Variants in AUTS2 observed in about 807,000 individuals in gnomAD.
AUTS2 encodes autism susceptibility gene 2 protein.
AUTS2 carries 17 observed loss-of-function variants against 112.4 expected under a neutral mutation model. The ratio of observed to expected loss-of-function variants is 0.15; its 90% CI spans 0.10 to 0.23. The LOEUF is 0.23. Among genes scored for constraint, AUTS2 ranks in the 10% least tolerant of loss-of-function variants. The pLI is 1.00. For synonymous variants in AUTS2, 751 were observed against 702.7 expected, an observed-to-expected ratio of 1.07 and a Z score of -1.09; for missense variants, 1,510 against 1,701.6, an observed-to-expected ratio of 0.89 and a Z score of 1.98.
chr7:70,769,640 G>A (rs1015076293), intron 10 of AUTS2, among the ~76,000 whole-genome samples: 1 of 152,142 alleles, frequency 6.6e-6, no homozygotes, highest in Non-Finnish European at 1.5e-5. Flanking sequence ...ATCTGAGACG[G>A]CTCCACTGCA....
intron 4 of AUTS2, among the ~76,000 whole-genome samples, chr7:70,138,826 CA>C (rs1162168859): frequency 1.3e-5 from 2 of 152,164 alleles, no homozygotes; most frequent in Non-Finnish European, 2.9e-5. Flanking sequence ...TGGTAACAGG[CA>C]GTAGGTGCAA....
intron 5 of AUTS2, among the ~76,000 whole-genome samples, chr7:70,442,295 C>T (rs1414174987): frequency 6.6e-6 from 1 of 152,162 alleles, no homozygotes; most frequent in African/African-American, 2.4e-5. Flanking sequence ...GTTCAGAAGA[C>T]TCATACTCAA....
At chr7:70,626,174 A>G (rs1448620447) in intron 5 of AUTS2, among the ~76,000 whole-genome samples, 1 of 151,650 alleles carries the variant, frequency 6.6e-6, no homozygotes, top group African/African-American at 2.4e-5. Context: ...CGGCCTCCCA[A>G]AGTGCTGGGA....
intron 1 of AUTS2, among the ~76,000 whole-genome samples, chr7:69,736,592 T>C (rs1787040082): frequency 6.6e-6 from 1 of 152,236 alleles, no homozygotes; most frequent in Non-Finnish European, 1.5e-5. Context: ...TAAAGCTGAT[T>C]AGCATTTTGC....
intron 4 of AUTS2, among the ~76,000 whole-genome samples, chr7:70,375,403 T>G (rs1259497075): frequency 6.6e-6 from 1 of 152,166 alleles, no homozygotes; most frequent in Non-Finnish European, 1.5e-5. Context: ...CCAGCCTCAT[T>G]TACTGGTTTC....
intron 4 of AUTS2, among the ~76,000 whole-genome samples, chr7:70,429,608 A>T (rs570840814): frequency 6.6e-6 from 1 of 152,338 alleles, no homozygotes; most frequent in Non-Finnish European, 1.5e-5. Context: ...GGGCCGGACC[A>T]CAAGCTGTTT....
At chr7:69,820,649 G>A (rs1790949222) in intron 1 of AUTS2, among the ~76,000 whole-genome samples, 1 of 152,232 alleles carries the variant, frequency 6.6e-6, no homozygotes, top group Admixed American at 6.5e-5. Context: ...TGTGGGAAAG[G>A]GGTCAAAGAC....
At chr7:70,401,000 A>G (rs1794303924) in intron 4 of AUTS2, among the ~76,000 whole-genome samples, 2 of 152,204 alleles carry the variant, frequency 1.3e-5, no homozygotes, top group African/African-American at 2.4e-5. Context: ...TGCAACAACA[A>G]TCCCGGCAGG....
In AUTS2 at chr7:69,877,051, G is replaced by A. The variant is rs370783726; in HGVS notation, c.310-22235G>A. 2.0e-4 allele frequency among the ~76,000 whole-genome samples: 31 copies of A among 152,196 alleles called. No individual in the cohort carries two copies. The East Asian group carries it at 3.5e-3, about 17-fold the overall frequency. ...TGTTGTTAGTTTCCCAAAATGATCC[G>A]CTGACACTTGTTCTAAATATGGTTT... is the stretch of plus-strand genomic sequence containing the variant. On this transcript the variant is annotated intron_variant, in intron 1 of 18. Coordinates refer to ENST00000342771, the MANE Select transcript of AUTS2 (RefSeq NM_015570.4).
chr7:70,085,902 T>C (rs1803572824), intron 2 of AUTS2, among the ~76,000 whole-genome samples: 1 of 150,318 alleles, frequency 6.7e-6, no homozygotes. Flanking sequence ...AGAATGCTTT[T>C]TTCTATTTCT....
chr7:70,211,030 A>G (rs1188972472), intron 4 of AUTS2, among the ~76,000 whole-genome samples: 3 of 152,138 alleles, frequency 2.0e-5, no homozygotes, highest in African/African-American at 7.2e-5. Flanking sequence ...GTCAATGTCA[A>G]ATGAACTGCC....
intron 4 of AUTS2, among the ~76,000 whole-genome samples, chr7:70,327,529 G>A (rs1790547595): frequency 6.6e-6 from 1 of 152,220 alleles, no homozygotes; most frequent in Admixed American, 6.5e-5. Flanking sequence ...GGGGCTCTAG[G>A]TATTTAGGCT....
Position 69,599,766 on chromosome 7 carries a change from G to T in AUTS2, c.113G>T (p.Gly38Val). The part of the protein sequence containing the change: ...GGLGAGAAGG[G>V]GAGRTRALSL... ...CTGGGGGCCGGCGCGGCCGGCGGCG[G>T]CGGGGCTGGCCGGACCCGGGCGCTC... Residue 38 changes from glycine to valine, a missense_variant, in exon 1 of 19, where the codon GGC (glycine) becomes GTC (valine). Gly to Val is a moderately radical substitution (Grantham distance 109, BLOSUM62 -3). Transcript: ENST00000342771. This position sits in a 1 kb window ranked among gnomAD's most constrained non-coding sequence, Gnocchi z 7.0. 2 of 1,397,626 alleles carry T rather than the reference G, an allele frequency of 1.4e-6. No individual in the cohort carries two copies. Among genetic ancestry groups the T allele is most frequent in the South Asian group, 3.4e-5 (2 of 58,948 alleles). 86.6% of individuals were successfully genotyped at this position (1,397,626 alleles called of 1,614,324 possible). A position where few individuals can be genotyped will look rare whatever the true frequency, so the allele number is the denominator to read the frequency against.
intron 4 of AUTS2, among the ~76,000 whole-genome samples, chr7:70,260,101 C>T (rs1213810828): frequency 6.6e-6 from 1 of 152,038 alleles, no homozygotes; most frequent in Non-Finnish European, 1.5e-5. Context: ...CGCGGTGGCT[C>T]ACACCTGTAA....
At chr7:70,112,762 A>C (rs1427994020) in intron 2 of AUTS2, among the ~76,000 whole-genome samples, 3 of 151,952 alleles carry the variant, frequency 2.0e-5, no homozygotes, top group African/African-American at 7.2e-5. Flanking sequence ...CTAATAAATA[A>C]TGGGACATCA....
At chr7:69,736,664 A>G (rs562073904) in intron 1 of AUTS2, among the ~76,000 whole-genome samples, 241 of 152,360 alleles carry the variant, frequency 1.6e-3, no homozygotes, top group African/African-American at 5.7e-3. Flanking sequence ...GTAAGTCAGC[A>G]TGGAAGCACC....
At chr7:69,622,582 A>G (rs1793727572) in intron 1 of AUTS2, among the ~76,000 whole-genome samples, 1 of 152,186 alleles carries the variant, frequency 6.6e-6, no homozygotes, top group South Asian at 2.1e-4. Flanking sequence ...AGGCTCCTAG[A>G]CTGTGCTGTG....
At chr7:70,234,385 ATTTTC>A (rs1476818968) in intron 4 of AUTS2, among the ~76,000 whole-genome samples, 2 of 151,914 alleles carry the variant, frequency 1.3e-5, no homozygotes, top group African/African-American at 4.8e-5. Context: ...TTCTCTCAGT[ATTTTC>A]TTTTCCCCTG....
intron 4 of AUTS2, among the ~76,000 whole-genome samples, chr7:70,338,948 C>T (rs541123438): frequency 5.9e-4 from 89 of 151,514 alleles, no homozygotes; most frequent in African/African-American, 2.0e-3. Flanking sequence ...CTGCAAGCTC[C>T]GCCTCCCGGG....
Sources: gnomAD v4.1 joint callset for allele counts (sites outside exome capture counted in the v4.1 genomes callset) on GRCh38, gnomAD v4.1.1 for gene constraint, Gnocchi (gnomAD v3.1) non-coding constraint, MANE v1.5 for transcripts, NCBI Gene and HGNC (gene_info 2026-07-23, HGNC 2026-07-21) for gene names.